PCDHGA5: variants seen among roughly 807,000 people sequenced by gnomAD.
The protein encoded by PCDHGA5 is protocadherin gamma subfamily A, 5, also known as protocadherin gamma-A5.
PCDHGA5 carries 36 observed loss-of-function variants against 56.7 expected under a neutral mutation model. That is an observed-to-expected ratio of 0.64 (90% CI 0.49 to 0.84). PCDHGA5 has a LOEUF of 0.84. Among genes scored for constraint, PCDHGA5 ranks in the 40% least tolerant of loss-of-function variants. The pLI is 0.00. For missense variants in PCDHGA5, 1,305 were observed against 1,201.5 expected, an observed-to-expected ratio of 1.09 and a Z score of -1.27; for synonymous variants, 563 against 520.2, an observed-to-expected ratio of 1.08 and a Z score of -1.12.
intron 1 of PCDHGA5, among the ~76,000 whole-genome samples, chr5:141,402,158 G>A (rs1276790302): frequency 2.0e-5 from 3 of 151,990 alleles, no homozygotes; most frequent in Non-Finnish European, 2.9e-5. Context: ...AATATTAGGC[G>A]AGAACATCTG....
intron 1 of PCDHGA5, chr5:141,427,753 T>A (rs745532152): frequency 4.5e-6 from 6 of 1,322,510 alleles, no homozygotes; most frequent in Non-Finnish European, 6.4e-6. Flanking sequence ...TACTCCATCG[T>A]TACCACTGAC....
At chr5:141,428,004 G>A in intron 1 of PCDHGA5, 1 of 1,601,732 alleles carries the variant, frequency 6.2e-7, no homozygotes, top group Non-Finnish European at 8.5e-7. Flanking sequence ...CGCACTCTTC[G>A]ATATAGTGCC....
chr5:141,401,730 T>C (rs1448734124), intron 1 of PCDHGA5, among the ~76,000 whole-genome samples: 4 of 152,204 alleles, frequency 2.6e-5, no homozygotes, highest in African/African-American at 4.8e-5. Context: ...ACTACTAGTC[T>C]TGTGTACATA....
At chr5:141,403,748 G>A in intron 1 of PCDHGA5, 1 of 1,613,956 alleles carries the variant, frequency 6.2e-7, no homozygotes, top group East Asian at 2.2e-5. Context: ...TACTGCAACA[G>A]CCAGCGACCT....
At chr5:141,422,344 C>A in intron 1 of PCDHGA5, 1 of 1,550,890 alleles carries the variant, frequency 6.4e-7, no homozygotes, top group Non-Finnish European at 8.7e-7. Flanking sequence ...TCTAAATGTG[C>A]AAGATCAAGA....
intron 1 of PCDHGA5, chr5:141,403,389 C>A (rs764725441): frequency 1.9e-6 from 3 of 1,614,050 alleles, no homozygotes; most frequent in Non-Finnish European, 2.5e-6. Flanking sequence ...AACGAAATCG[C>A]GGTTCCTGGA....
At chr5:141,374,916 C>T in intron 1 of PCDHGA5, 2 of 1,613,924 alleles carry the variant, frequency 1.2e-6, no homozygotes, top group Non-Finnish European at 1.7e-6. Flanking sequence ...GGGGAAGTAA[C>T]TTATTCCTTT....
chr5:141,489,297 G>T lies in PCDHGA5; in HGVS notation c.2422-5510G>T. On this transcript the variant is annotated intron_variant, in intron 1 of 3. Transcript: ENST00000518069. This position sits in a 1 kb window ranked among gnomAD's most constrained non-coding sequence, Gnocchi z 4.5. Reference sequence around the variant, plus strand: ...GGAAATGGCAAGTGCTGTGCATGTTGTCCTTGTGCTGCTGGGGCTGGGTGT... The same window carrying T: ...GGAAATGGCAAGTGCTGTGCATGTTTTCCTTGTGCTGCTGGGGCTGGGTGT... 1.9e-6 allele frequency: 3 copies of T among 1,583,774 alleles called. No homozygotes were observed. Among genetic ancestry groups the T allele is most frequent in the Non-Finnish European group, 8.6e-7 (1 of 1,164,904 alleles).
chr5:141,476,078 C>G lies in PCDHGA5; in HGVS notation c.2422-18729C>G. On this transcript the variant is annotated intron_variant, in intron 1 of 3. Transcript: ENST00000518069. The surrounding 1 kb of genome is among the most constrained non-coding windows in gnomAD (Gnocchi z 7.6). ...AAGTTTCTCAGCGAAATCTCAGGGA[C>G]GATCTGGACCCCGCTGAGAGGAACT... is the stretch of plus-strand genomic sequence containing the variant. 1 of 1,528,034 alleles carries G rather than the reference C, an allele frequency of 6.5e-7. No homozygotes were observed. 94.7% of individuals were successfully genotyped at this position (1,528,034 alleles called of 1,614,324 possible).
chr5:141,466,197 G>A (rs2099118639), intron 1 of PCDHGA5, among the ~76,000 whole-genome samples: 1 of 151,666 alleles, frequency 6.6e-6, no homozygotes, highest in South Asian at 2.1e-4. Flanking sequence ...TTCAGACACA[G>A]CCTTGCTCTG....
chr5:141,455,550 G>C lies in PCDHGA5; in HGVS notation c.2422-39257G>C, dbSNP rs1195359804. On this transcript the variant is annotated intron_variant, in intron 1 of 3. Transcript: ENST00000518069. ...ACCAGGCATATCATTCACGTAGCCC[G>C]AGAAAAAGCTGGCCCTCCCACCCCA... 2.0e-5 allele frequency among the ~76,000 whole-genome samples: 3 copies of C among 152,138 alleles called. No individual in the cohort carries two copies. In the South Asian group the frequency reaches 6.2e-4, roughly 32 times the overall value.
intron 1 of PCDHGA5, chr5:141,394,548 C>T (rs1176145709): frequency 6.2e-7 from 1 of 1,614,160 alleles, no homozygotes; most frequent in Admixed American, 1.7e-5. Context: ...GGAGCTGGCG[C>T]CCCGCTCCGC....
rs746902775 is a variant in PCDHGA5, at chr5:141,366,594, A to ACC, written c.2265_2266insCC (p.Glu756ProfsTer14). On this transcript the variant is annotated frameshift_variant, in exon 1 of 4. Coordinates refer to ENST00000518069, the MANE Select transcript of PCDHGA5 (RefSeq NM_018918.3). LOFTEE classifies it high-confidence loss of function. ...CGGGCTTTCCTGCAGACCTATTCCCACGAGGTCTCCCTCACCGCGGACTCG... is the reference window on the plus strand; with the variant it reads ...CGGGCTTTCCTGCAGACCTATTCCCACCCGAGGTCTCCCTCACCGCGGACTCG... 2.5e-6 allele frequency: 4 copies of ACC among 1,614,124 alleles called. No homozygotes were observed. The highest frequency in any genetic ancestry group is 3.4e-6 in the Non-Finnish European group (4 of 1,180,050).
Position 141,365,810 on chromosome 5 carries a change from G to A in PCDHGA5, c.1480G>A (p.Asp494Asn). The A allele has an allele frequency of 6.2e-7, 1 of 1,613,920 alleles. No homozygotes were observed. The highest frequency in any genetic ancestry group is 2.2e-5 in the East Asian group (1 of 44,876). Reference sequence around the variant, plus strand: ...TCGAGTCACCTACTCCCTGGCTGAAGACACATTTCAGGGGGCGCCCTTGTC... The same window carrying A: ...TCGAGTCACCTACTCCCTGGCTGAAAACACATTTCAGGGGGCGCCCTTGTC... ...NARVTYSLAEDTFQGAPLSSY... is the reference protein window; with the variant it reads ...NARVTYSLAENTFQGAPLSSY... The change falls in exon 1 of 4, where the codon GAC becomes AAC. Residue 494 changes from aspartate (D) to asparagine (N), a missense_variant. By Grantham distance (23) the Asp-to-Asn change is conservative. Coordinates refer to ENST00000518069, the MANE Select transcript of PCDHGA5 (RefSeq NM_018918.3).
At chr5:141,395,110 GTCACCTGATCTT>G in intron 1 of PCDHGA5, 2 of 1,614,214 alleles carry the variant, frequency 1.2e-6, no homozygotes, top group African/African-American at 1.3e-5. Flanking sequence ...TCGCGGAAGA[GTCACCTGATCTT>G]TCCCCAGCCC....
At chr5:141,423,173 A>T (rs2096717258) in intron 1 of PCDHGA5, 1 of 1,613,330 alleles carries the variant, frequency 6.2e-7, no homozygotes, top group South Asian at 1.1e-5. Flanking sequence ...GCCGTCCAGG[A>T]CCACGGCCAG....
chr5:141,372,879 G>T (rs1269761634), intron 1 of PCDHGA5: 2 of 1,265,292 alleles, frequency 1.6e-6, no homozygotes, highest in Admixed American at 2.7e-5. Context: ...GAGATAAAAA[G>T]AATACAGATT....
intron 1 of PCDHGA5, chr5:141,374,290 A>G: frequency 6.2e-7 from 1 of 1,613,934 alleles, no homozygotes; most frequent in South Asian, 1.1e-5. Context: ...TCGTCTCCAG[A>G]GGTAGGATGC....
chr5:141,394,204 A>G (rs749979763), intron 1 of PCDHGA5: 4 of 1,613,914 alleles, frequency 2.5e-6, no homozygotes, highest in Non-Finnish European at 3.4e-6. Context: ...ATCCTAGAGA[A>G]CAACCTGAGA....
Sources: allele counts gnomAD v4.1 joint callset (sites outside exome capture counted in the v4.1 genomes callset), GRCh38; gene constraint gnomAD v4.1.1; non-coding constraint Gnocchi (gnomAD v3.1); transcripts MANE v1.5; gene names NCBI Gene and HGNC (gene_info 2026-07-23, HGNC 2026-07-21).